The following UNC80 variants were observed in gnomAD, a reference collection of about 807,000 sequenced individuals.
The protein encoded by UNC80 is unc-80 subunit of NALCN channel complex.
UNC80 carries 164 observed loss-of-function variants against 384.6 expected under a neutral mutation model. That is an observed-to-expected ratio of 0.43 (90% CI 0.38 to 0.49). UNC80 has a LOEUF of 0.49. UNC80 is among the 20% of genes least tolerant of loss of function. The pLI, the probability that UNC80 is intolerant of heterozygous loss-of-function variation, is 0.00. For synonymous variants in UNC80, 1,486 were observed against 1,527.8 expected, an observed-to-expected ratio of 0.97 and a Z score of 0.64; for missense variants, 3,330 against 4,143.0, an observed-to-expected ratio of 0.80 and a Z score of 5.39.
intron 20 of UNC80, among the ~76,000 whole-genome samples, chr2:209,842,046 A>G (rs528792873): frequency 2.0e-5 from 3 of 152,308 alleles, no homozygotes; most frequent in African/African-American, 4.8e-5. Context: ...CTCGCTATTC[A>G]TTAATTTCAG....
At chr2:209,977,220 C>G in intron 58 of UNC80, 142 bp downstream of exon 58, 1 of 812,300 alleles carries the variant, frequency 1.2e-6, no homozygotes, top group Admixed American at 3.9e-5. Flanking sequence ...TTGACCATTT[C>G]TAATAAGTTA....
intron 38 of UNC80, among the ~76,000 whole-genome samples, chr2:209,931,848 C>G (rs1575060032): frequency 1.3e-5 from 2 of 152,240 alleles, no homozygotes; most frequent in South Asian, 4.1e-4. Context: ...ATGTCCAATC[C>G]AGATTTAAGT....
intron 22 of UNC80, among the ~76,000 whole-genome samples, chr2:209,858,910 A>G (rs1322225609): frequency 6.6e-6 from 1 of 151,624 alleles, no homozygotes; most frequent in Non-Finnish European, 1.5e-5. Flanking sequence ...GCCTCCTTTT[A>G]GATTGTGTTA....
chr2:209,916,038 T>G (rs968991486), intron 31 of UNC80, among the ~76,000 whole-genome samples: 1 of 152,208 alleles, frequency 6.6e-6, no homozygotes, highest in African/African-American at 2.4e-5. Context: ...TTTTAATTTT[T>G]TTCAAAAAGA....
At chr2:209,865,798 G>C (rs1401765272) in intron 22 of UNC80, among the ~76,000 whole-genome samples, 1 of 152,116 alleles carries the variant, frequency 6.6e-6, no homozygotes, top group Admixed American at 6.6e-5. Flanking sequence ...TATTTCAGAA[G>C]TGTCTTTAGT....
intron 51 of UNC80, among the ~76,000 whole-genome samples, chr2:209,964,999 G>A (rs555745158): frequency 2.0e-5 from 3 of 152,208 alleles, no homozygotes; most frequent in Non-Finnish European, 2.9e-5. Flanking sequence ...ATGTCATACT[G>A]TGTTGTGTTT....
intron 44 of UNC80, among the ~76,000 whole-genome samples, chr2:209,942,261 A>T (rs1456485083): frequency 6.6e-6 from 1 of 152,138 alleles, no homozygotes; most frequent in East Asian, 1.9e-4. Context: ...CCATGAAAAA[A>T]TTGTCTTCCA....
At chr2:209,982,431 T>G in intron 60 of UNC80, 114 bp downstream of exon 60, 3 of 1,282,594 alleles carry the variant, frequency 2.3e-6, no homozygotes, top group Non-Finnish European at 3.1e-6. Flanking sequence ...TGGTAATGTT[T>G]TTAGATAGAT....
chr2:209,893,468 A>G (rs924042763), intron 26 of UNC80, among the ~76,000 whole-genome samples: 2 of 152,178 alleles, frequency 1.3e-5, no homozygotes, highest in African/African-American at 4.8e-5. Flanking sequence ...CAGAACACTA[A>G]AGATGAATAA....
At chr2:209,923,234 G>A (rs1024650527) in intron 35 of UNC80, among the ~76,000 whole-genome samples, 1 of 151,998 alleles carries the variant, frequency 6.6e-6, no homozygotes, top group African/African-American at 2.4e-5. Flanking sequence ...TGTCATTTGT[G>A]CTTTTAGTGT....
chr2:209,935,709 T>G lies in UNC80; in HGVS notation c.6179-5T>G, dbSNP rs1372515107. The G allele has an allele frequency of 2.7e-6, 4 of 1,485,640 alleles. No individual in the cohort carries two copies. The highest frequency in any genetic ancestry group is 1.4e-5 in the African/African-American group (1 of 70,246). The allele number at this position is 1,485,640 out of a possible 1,614,324, so 92.0% of individuals were successfully genotyped here. Reference sequence around the variant, plus strand: ...TCAGTTTGTTATTATTTTTATCATCTGTAGGTACTAAAACCTTGGTAGTTC... The same window carrying G: ...TCAGTTTGTTATTATTTTTATCATCGGTAGGTACTAAAACCTTGGTAGTTC... On this transcript the variant is annotated splice_polypyrimidine_tract_variant and splice_region_variant and intron_variant, in intron 39 of 64. Coordinates refer to ENST00000673920, the MANE Select transcript of UNC80 (RefSeq NM_001371986.1).
At chr2:209,800,684 A>G (rs1395711196) in intron 7 of UNC80, among the ~76,000 whole-genome samples, 1 of 152,102 alleles carries the variant, frequency 6.6e-6, no homozygotes, top group Non-Finnish European at 1.5e-5. Context: ...GCTTTCTGAT[A>G]TGGACATTTA....
At chr2:209,824,477 G>T (rs1259554729) in intron 13 of UNC80, among the ~76,000 whole-genome samples, 1 of 152,168 alleles carries the variant, frequency 6.6e-6, no homozygotes, top group Admixed American at 6.5e-5. Flanking sequence ...GTGAGGCAAA[G>T]AGACCTTTTT....
intron 4 of UNC80, 134 bp from the exon 5 acceptor site, chr2:209,785,932 A>G (rs1559085960): frequency 2.0e-6 from 2 of 981,898 alleles, no homozygotes; most frequent in Non-Finnish European, 3.0e-6. Context: ...TCATCTGACT[A>G]ATGAGAGAAG....
At position 209,772,130 on chromosome 2, in the gene UNC80, C is replaced by T. The variant is rs145528914; in HGVS notation, c.58C>T (p.Leu20=). The T allele has an allele frequency of 0.024, 36,582 of 1,548,676 alleles. 551 individuals are homozygous for T. The highest frequency in any genetic ancestry group is 0.029 in the Non-Finnish European group (32,712 of 1,146,084). The change falls in exon 1 of 65, where the codon CTG becomes TTG. Residue 20 remains leucine, a synonymous_variant. Transcript: ENST00000673920. The stretch of plus-strand genomic sequence containing the variant: ...GCAGGACGGCGGCCGCGGCATCCCC[C>T]TGCCCATCCAGACCTTCCTGTGGCG... ...QEQDGGRGIP[L]PIQTFLWRQT... is the part of the protein sequence containing the mutation.
intron 22 of UNC80, among the ~76,000 whole-genome samples, chr2:209,864,586 C>A (rs1297472589): frequency 6.6e-6 from 1 of 152,154 alleles, no homozygotes; most frequent in Non-Finnish European, 1.5e-5. Flanking sequence ...GCAGGGAAAC[C>A]CCACCCCATT....
chr2:209,840,641 G>A lies in UNC80; in HGVS notation c.3350G>A (p.Ser1117Asn). 1 of 1,551,864 alleles carries A rather than the reference G, an allele frequency of 6.4e-7. No individual in the cohort carries two copies. Residue 1117 changes from serine to asparagine, a missense_variant, in exon 20 of 65, where the codon AGC becomes AAC. By Grantham distance (46) the Ser-to-Asn change is conservative (BLOSUM62 1). This residue lies in a region of UNC80 where 801 missense variants were observed against 950.8 expected (regional missense o/e 0.84). Transcript: ENST00000673920. ...GACCGACTCTCTTTCATCAGGCAAA[G>A]CTCCAAGGTAAACAGGACATAACTT... ...SVDRLSFIRQSSKVKFTSAVK... is the reference protein window; with the variant it reads ...SVDRLSFIRQNSKVKFTSAVK...
chr2:209,905,704 C>T (rs371545424), intron 29 of UNC80, among the ~76,000 whole-genome samples: 2 of 152,226 alleles, frequency 1.3e-5, no homozygotes, highest in African/African-American at 4.8e-5. Flanking sequence ...ATAAATAGGC[C>T]CACTGTTCAC....
In UNC80 at chr2:209,840,595, C is replaced by G. The variant is rs909966679; in HGVS notation, c.3304C>G (p.Leu1102Val). The G allele has an allele frequency of 6.4e-7, 1 of 1,551,790 alleles. No homozygotes were observed. Among genetic ancestry groups the G allele is most frequent in the East Asian group, 2.4e-5 (1 of 40,920 alleles). The change falls in exon 20 of 65, where the codon CTC (leucine) becomes GTC (valine). Residue 1102 changes from leucine to valine, a missense_variant. By Grantham distance (32) the Leu-to-Val change is conservative. Around this residue, in one of 8 missense-constraint regions of UNC80, gnomAD observed 801 missense variants for 950.8 expected, o/e 0.84. Transcript: ENST00000673920. ...AGGCCTGGCAGATGGTGTGGAGGAC[C>G]TCCTGGACATTAGCTCTGTGGACCG... The part of the protein sequence containing the change: ...LSGLADGVED[L>V]LDISSVDRLS...
Sources: allele counts gnomAD v4.1 joint callset (sites outside exome capture counted in the v4.1 genomes callset), GRCh38; gene constraint gnomAD v4.1.1; regional missense constraint gnomAD v4.1.1; transcripts MANE v1.5; gene names NCBI Gene and HGNC (gene_info 2026-07-23, HGNC 2026-07-21).